The following HS3ST4 variants were observed in gnomAD, a reference collection of about 807,000 sequenced individuals.
HS3ST4 encodes heparan sulfate glucosamine 3-O-sulfotransferase 4.
In HS3ST4, 17 loss-of-function variants were observed where a neutral mutation model predicts 29.2. The ratio of observed to expected loss-of-function variants is 0.58; its 90% CI spans 0.40 to 0.87. The LOEUF (loss-of-function observed/expected upper bound fraction) is 0.87. Among genes scored for constraint, HS3ST4 ranks in the 40% least tolerant of loss-of-function variants. The pLI, the probability that HS3ST4 is intolerant of heterozygous loss-of-function variation, is 0.00. For missense variants in HS3ST4, 627 were observed against 634.5 expected, an observed-to-expected ratio of 0.99 and a Z score of 0.13; for synonymous variants, 314 against 285.7, an observed-to-expected ratio of 1.10 and a Z score of -1.00.
At chr16:25,986,173 T>A (rs1472500949) in intron 1 of HS3ST4, among the ~76,000 whole-genome samples, 1 of 152,226 alleles carries the variant, frequency 6.6e-6, no homozygotes. Context: ...TAATTATCTC[T>A]ACCTAACAAA....
intron 1 of HS3ST4, among the ~76,000 whole-genome samples, chr16:25,929,258 T>A (rs1968440221): frequency 6.6e-6 from 1 of 152,072 alleles, no homozygotes; most frequent in South Asian, 2.1e-4. Context: ...GGTGCACCCC[T>A]GTAGTCCCAG....
At chr16:26,047,595 A>G (rs1252795358) in intron 1 of HS3ST4, among the ~76,000 whole-genome samples, 4 of 152,182 alleles carry the variant, frequency 2.6e-5, no homozygotes, top group African/African-American at 9.7e-5. Context: ...TTAAGAAGTC[A>G]TCCAGGTCAC....
intron 1 of HS3ST4, among the ~76,000 whole-genome samples, chr16:25,854,449 G>A (rs980822008): frequency 1.3e-5 from 2 of 152,136 alleles, no homozygotes; most frequent in Non-Finnish European, 2.9e-5. Context: ...CTTGGTTTTG[G>A]TGAGTTTTGG....
chr16:25,869,781 T>C (rs1179996252), intron 1 of HS3ST4, among the ~76,000 whole-genome samples: 2 of 152,220 alleles, frequency 1.3e-5, no homozygotes, highest in African/African-American at 2.4e-5. Context: ...CTGGGAGTAG[T>C]TGGCATTTAT....
chr16:25,846,206 C>T (rs1354808955), intron 1 of HS3ST4, among the ~76,000 whole-genome samples: 2 of 152,120 alleles, frequency 1.3e-5, no homozygotes, highest in Non-Finnish European at 2.9e-5. Flanking sequence ...CCAGAAGCTG[C>T]AAGGAAGTTT....
intron 1 of HS3ST4, among the ~76,000 whole-genome samples, chr16:25,931,069 A>G (rs894261525): frequency 2.0e-5 from 3 of 152,174 alleles, no homozygotes; most frequent in Non-Finnish European, 2.9e-5. Context: ...AACTGTGCCC[A>G]ACCAAGATGA....
intron 1 of HS3ST4, among the ~76,000 whole-genome samples, chr16:25,778,827 A>G (rs114649021): frequency 0.03 from 4,543 of 152,260 alleles, 229 homozygotes; most frequent in African/African-American, 0.1. Flanking sequence ...TGAAGACTGC[A>G]ACATAGAAAC....
At chr16:25,933,512 C>T (rs1968486096) in intron 1 of HS3ST4, 1 of 437,508 alleles carries the variant, frequency 2.3e-6, no homozygotes, top group African/African-American at 2.0e-5. Context: ...GAGAGTAGGC[C>T]TCTCTTTATG....
chr16:26,086,521 T>C (rs531992509), intron 1 of HS3ST4, among the ~76,000 whole-genome samples: 1 of 152,198 alleles, frequency 6.6e-6, no homozygotes, highest in East Asian at 1.9e-4. Flanking sequence ...AGCTAATTTT[T>C]TGTATTTTTA....
At chr16:26,034,199 G>A (rs55646214) in intron 1 of HS3ST4, among the ~76,000 whole-genome samples, 24,348 of 152,158 alleles carry the variant, frequency 0.16, 3,819 homozygotes, top group African/African-American at 0.41. Flanking sequence ...GACTGGATGA[G>A]GGCAGGCTAA....
At chr16:25,709,469 G>A (rs1966401383) in intron 1 of HS3ST4, among the ~76,000 whole-genome samples, 1 of 152,130 alleles carries the variant, frequency 6.6e-6, no homozygotes, top group South Asian at 2.1e-4. Context: ...CAAAACAACA[G>A]ATGTCTGTTT....
intron 1 of HS3ST4, among the ~76,000 whole-genome samples, chr16:25,831,150 A>G (rs1358519079): frequency 6.6e-6 from 1 of 151,988 alleles, no homozygotes; most frequent in Non-Finnish European, 1.5e-5. Flanking sequence ...CTCAAATGTC[A>G]TCTCTTCAGA....
chr16:26,093,698 C>T (rs191510609), intron 1 of HS3ST4, among the ~76,000 whole-genome samples: 2 of 152,290 alleles, frequency 1.3e-5, no homozygotes, highest in East Asian at 1.9e-4. Flanking sequence ...AATCGAGCAC[C>T]TCTTCTCCTC....
In HS3ST4 at chr16:25,993,406, T is replaced by C. The variant is rs542495197; in HGVS notation, c.735-142206T>C. 2.2e-4 allele frequency among the ~76,000 whole-genome samples: 33 copies of C among 152,286 alleles called. 1 individual carries two copies. Among genetic ancestry groups the C allele is most frequent in the South Asian group, 6.2e-4 (3 of 4,822 alleles). On this transcript the variant is annotated intron_variant, in intron 1 of 1. Transcript: ENST00000331351. ...GATACCAGTCCTGTCTTGAAATTCC[T>C]ATGACCCTCAGAGAAAGCACTGGAC...
chr16:25,959,019 A>G (rs930919561), intron 1 of HS3ST4, among the ~76,000 whole-genome samples: 1 of 152,234 alleles, frequency 6.6e-6, no homozygotes, highest in African/African-American at 2.4e-5. Flanking sequence ...GTTGCAGTAG[A>G]GAAAGAGGTT....
At chr16:26,118,825 C>T (rs964243956) in intron 1 of HS3ST4, among the ~76,000 whole-genome samples, 10 of 152,056 alleles carry the variant, frequency 6.6e-5, no homozygotes, top group South Asian at 2.1e-4. Context: ...TTTGTTGAAA[C>T]GGGATATGAG....
intron 1 of HS3ST4, among the ~76,000 whole-genome samples, chr16:25,776,152 G>A (rs575703395): frequency 6.6e-6 from 1 of 152,038 alleles, no homozygotes; most frequent in Non-Finnish European, 1.5e-5. Context: ...TTTCTACATA[G>A]CAATGTAGGA....
chr16:26,123,744 C>T (rs1246910144), intron 1 of HS3ST4, among the ~76,000 whole-genome samples: 1 of 152,132 alleles, frequency 6.6e-6, no homozygotes, highest in African/African-American at 2.4e-5. Flanking sequence ...TTAGCTCCCA[C>T]TTATAAGTGA....
At position 25,943,812 on chromosome 16, in the gene HS3ST4, A is replaced by T. The variant is rs978478216; in HGVS notation, c.735-191800A>T. On this transcript the variant is annotated intron_variant, in intron 1 of 1. Coordinates refer to ENST00000331351, the MANE Select transcript of HS3ST4 (RefSeq NM_006040.3). The stretch of plus-strand genomic sequence containing the variant: ...TTAATCCTCACAACAACGTGGTGAG[A>T]TTTAAGAACTATTGGACTGGGTGAG... 3.3e-5 allele frequency among the ~76,000 whole-genome samples: 5 copies of T among 152,234 alleles called. No homozygotes were observed. In the East Asian group the frequency reaches 9.7e-4, roughly 30 times the overall value.
Sources: gnomAD v4.1 joint callset for allele counts (sites outside exome capture counted in the v4.1 genomes callset) on GRCh38, gnomAD v4.1.1 for gene constraint, MANE v1.5 for transcripts, NCBI Gene and HGNC (gene_info 2026-07-23, HGNC 2026-07-21) for gene names.